The following KIRREL3 variants were observed in gnomAD, a reference collection of about 807,000 sequenced individuals.
KIRREL3 encodes the protein kirre like nephrin family adhesion molecule 3, also known as kin of IRRE-like protein 3.
Under a neutral mutation model 89.7 loss-of-function variants are expected in KIRREL3, and 36 were observed. That is an observed-to-expected ratio of 0.40 (90% CI 0.31 to 0.53). The LOEUF is 0.53. Ranked by LOEUF, KIRREL3 falls within the 20% of genes least tolerant of loss-of-function variation. The probability of loss-of-function intolerance (pLI) is 0.49; values close to 1 mark genes in which losing one functional copy is unlikely to be tolerated. For missense variants in KIRREL3, 864 were observed against 1,056.6 expected (o/e 0.82, Z 2.53); for synonymous variants, 445 against 441.4 (o/e 1.01, Z -0.10).
At chr11:126,542,521 A>T (rs897977393) in intron 2 of KIRREL3, among the ~76,000 whole-genome samples, 2 of 151,934 alleles carry the variant, frequency 1.3e-5, no homozygotes, top group Non-Finnish European at 2.9e-5. Context: ...TTTCATACTT[A>T]AAAAAAACAC....
chr11:126,727,313 T>C (rs1335731236), intron 1 of KIRREL3, among the ~76,000 whole-genome samples: 2 of 152,232 alleles, frequency 1.3e-5, no homozygotes, highest in Admixed American at 1.3e-4. Flanking sequence ...CTCAGCTACC[T>C]CTCCTTCCTC....
intron 1 of KIRREL3, among the ~76,000 whole-genome samples, chr11:126,947,385 A>C (rs948256285): frequency 3.3e-5 from 5 of 152,108 alleles, no homozygotes; most frequent in African/African-American, 1.2e-4. Context: ...CAAACTGTGA[A>C]CCCTTTTGAA....
Position 126,492,344 on chromosome 11 carries a change from A to C in KIRREL3, c.434-18878T>G, listed in dbSNP as rs1565496727. Among the ~76,000 whole-genome samples the C allele has an allele frequency of 6.6e-6, 1 of 152,130 alleles. No individual in the cohort carries two copies. The highest frequency in any genetic ancestry group is 6.5e-5 in the Admixed American group (1 of 15,268). On this transcript the variant is annotated intron_variant, in intron 4 of 16. Coordinates refer to ENST00000525144, the MANE Select transcript of KIRREL3 (RefSeq NM_032531.4). This position sits in a 1 kb window ranked among gnomAD's most constrained non-coding sequence, Gnocchi z 4.8. ...GATGAGGGATGAGGTGGATGTGACA[A>C]GGTGACATGACCCTAAGGCAGGGGG...
At position 126,817,473 on chromosome 11, in the gene KIRREL3, A is replaced by C. The variant is rs1019698928; in HGVS notation, c.55+182982T>G. On this transcript the variant is annotated intron_variant, in intron 1 of 16. Coordinates refer to ENST00000525144, the MANE Select transcript of KIRREL3 (RefSeq NM_032531.4). The surrounding 1 kb of genome is among the most constrained non-coding windows in gnomAD (Gnocchi z 5.7). ...AAGGGGATGGTTTAGCAATATCCTC[A>C]GGCTTCTACCTTCCCATTTCTCCCA... Among the ~76,000 whole-genome samples, 7 of 152,140 alleles carry C rather than the reference A, an allele frequency of 4.6e-5. No individual in the cohort carries two copies. The highest frequency in any genetic ancestry group is 1.7e-4 in the African/African-American group (7 of 41,436).
chr11:126,603,646 C>A (rs756375923), intron 1 of KIRREL3, among the ~76,000 whole-genome samples: 1 of 152,246 alleles, frequency 6.6e-6, no homozygotes, highest in Non-Finnish European at 1.5e-5. Flanking sequence ...GCCTCAGTGC[C>A]CAGCGCTGCT....
chr11:126,661,984 G>A (rs895185601), intron 1 of KIRREL3, among the ~76,000 whole-genome samples: 1 of 152,166 alleles, frequency 6.6e-6, no homozygotes, highest in African/African-American at 2.4e-5. Flanking sequence ...GACTGTGGGA[G>A]TTGGGGTTTG....
In KIRREL3 at chr11:126,768,122, GTCTATCCA is replaced by G. The variant is rs1241026729; in HGVS notation, c.56-205218_56-205211del. On this transcript the variant is annotated intron_variant, in intron 1 of 16. Transcript: ENST00000525144. The surrounding 1 kb of genome is among the most constrained non-coding windows in gnomAD (Gnocchi z 4.5). ...ATTTCATCCATCTGTCCATCCATCT[GTCTATCCA>G]TCTATCCATCCATCCATCCATCCAT... 1.5e-3 allele frequency among the ~76,000 whole-genome samples: 193 copies of G among 128,544 alleles called. 1 individual carries two copies. Among genetic ancestry groups the G allele is most frequent in the African/African-American group, 5.2e-3 (180 of 34,824 alleles). The allele number at this position is 128,544 out of a possible 152,430, so 84.3% of individuals were successfully genotyped here.
chr11:126,439,729 G>T (rs1413002790), intron 11 of KIRREL3, among the ~76,000 whole-genome samples: 2 of 151,562 alleles, frequency 1.3e-5, no homozygotes, highest in African/African-American at 4.8e-5. Context: ...TGAGGCATGA[G>T]AATTGCTTGA....
rs1199370761 is a variant in KIRREL3 at position 126,909,048 on chromosome 11, A to C, written c.55+91407T>G. ...GTGTTATTTTTTATTGTTGATTTGT[A>C]TTTTTCAAATATTGTCTATTCACTT... On this transcript the variant is annotated intron_variant, in intron 1 of 16. Transcript: ENST00000525144. This position sits in a 1 kb window ranked among gnomAD's most constrained non-coding sequence, Gnocchi z 4.5. Among the ~76,000 whole-genome samples, 1 of 152,046 alleles carries C rather than the reference A, an allele frequency of 6.6e-6. No homozygotes were observed. The highest frequency in any genetic ancestry group is 2.4e-5 in the African/African-American group (1 of 41,392).
intron 7 of KIRREL3, among the ~76,000 whole-genome samples, chr11:126,452,905 GCA>G (rs1182405345): frequency 2.0e-5 from 3 of 152,176 alleles, no homozygotes; most frequent in African/African-American, 7.2e-5. Flanking sequence ...CCTGCCAAAA[GCA>G]CAGACACTCA....
intron 1 of KIRREL3, among the ~76,000 whole-genome samples, chr11:126,613,886 T>TA (rs1280158565): frequency 2.7e-5 from 3 of 111,026 alleles, no homozygotes; most frequent in Admixed American, 1.0e-4. Context: ...TTTTTTTTTT[T>TA]TTTTTTTATT....
At chr11:126,881,416 T>G in intron 1 of KIRREL3, among the ~76,000 whole-genome samples, 1 of 90,128 alleles carries the variant, frequency 1.1e-5, no homozygotes, top group East Asian at 3.8e-4. Flanking sequence ...ACTGGCCTGG[T>G]TTAATCAGTC....
rs548312329 is a variant in KIRREL3, at chr11:126,897,921, C to A, written c.55+102534G>T. ...GTTGCTGCTGGGACTGCAGAGGACACATCATTCTGCCTCTGCTTGGGAAGG... is the reference window on the plus strand; with the variant it reads ...GTTGCTGCTGGGACTGCAGAGGACAAATCATTCTGCCTCTGCTTGGGAAGG... On this transcript the variant is annotated intron_variant, in intron 1 of 16. Transcript: ENST00000525144. The surrounding 1 kb of genome is among the most constrained non-coding windows in gnomAD (Gnocchi z 4.2). Among the ~76,000 whole-genome samples, 14 of 152,148 alleles carry A rather than the reference C, an allele frequency of 9.2e-5. No homozygotes were observed. Among genetic ancestry groups the A allele is most frequent in the Admixed American group, 2.0e-4 (3 of 15,274 alleles).
At chr11:126,921,498 TTATC>T (rs1947287581) in intron 1 of KIRREL3, among the ~76,000 whole-genome samples, 1 of 151,974 alleles carries the variant, frequency 6.6e-6, no homozygotes, top group South Asian at 2.1e-4. Flanking sequence ...TTCCTATCTA[TTATC>T]TATCTGTAAT....
intron 1 of KIRREL3, among the ~76,000 whole-genome samples, chr11:126,822,758 G>A (rs1385750425): frequency 1.3e-5 from 2 of 152,112 alleles, no homozygotes; most frequent in Non-Finnish European, 2.9e-5. Flanking sequence ...TGTCTGGGTT[G>A]GGCTGGCCGG....
Position 126,428,525 on chromosome 11 carries a change from A to ATG in KIRREL3, c.1806+652_1806+653dup, listed in dbSNP as rs758549136. ...CATGTATTGAATATCTATAATAGCTATGTGTGTGTGTGCGGGGGAGGGGAG... is the reference window on the plus strand; with the variant it reads ...CATGTATTGAATATCTATAATAGCTATGTGTGTGTGTGTGCGGGGGAGGGGAG... On this transcript the variant is annotated intron_variant, in intron 15 of 16. Transcript: ENST00000525144. This position sits in a 1 kb window ranked among gnomAD's most constrained non-coding sequence, Gnocchi z 6.4. 3.3e-5 allele frequency among the ~76,000 whole-genome samples: 5 copies of ATG among 151,040 alleles called. No individual in the cohort carries two copies. In the East Asian group the frequency reaches 7.8e-4, roughly 24 times the overall value.
At chr11:126,932,383 G>T (rs2135060622) in intron 1 of KIRREL3, among the ~76,000 whole-genome samples, 1 of 152,332 alleles carries the variant, frequency 6.6e-6, no homozygotes, top group East Asian at 1.9e-4. Flanking sequence ...AAAGCTCAAT[G>T]CATTCAACCC....
At position 126,955,935 on chromosome 11, in the gene KIRREL3, T is replaced by C. The variant is rs567421797; in HGVS notation, c.55+44520A>G. ...ATTACCCTGGAAACATGAATTGAAT[T>C]ACACAACAAAATGCAAAATGTTAAA... is the stretch of plus-strand genomic sequence containing the variant. On this transcript the variant is annotated intron_variant, in intron 1 of 16. Coordinates refer to ENST00000525144, the MANE Select transcript of KIRREL3 (RefSeq NM_032531.4). The surrounding 1 kb of genome is among the most constrained non-coding windows in gnomAD (Gnocchi z 4.6). 2.6e-5 allele frequency among the ~76,000 whole-genome samples: 4 copies of C among 152,232 alleles called. No homozygotes were observed. In the Middle Eastern group the frequency reaches 0.014, roughly 518 times the overall value.
At chr11:126,799,475 T>TAG (rs765788256) in intron 1 of KIRREL3, among the ~76,000 whole-genome samples, 542 of 145,908 alleles carry the variant, frequency 3.7e-3, no homozygotes, top group African/African-American at 4.6e-3. Context: ...TGTGTATCTG[T>TAG]GTGTGTGCAT....
Sources: gnomAD v4.1 joint callset for allele counts (sites outside exome capture counted in the v4.1 genomes callset) on GRCh38, gnomAD v4.1.1 for gene constraint, Gnocchi (gnomAD v3.1) non-coding constraint, MANE v1.5 for transcripts, NCBI Gene and HGNC (gene_info 2026-07-23, HGNC 2026-07-21) for gene names.